DCHS2: variants seen among roughly 807,000 people sequenced by gnomAD.
DCHS2 encodes the protein dachsous cadherin-related 2, also known as protocadherin-23.
DCHS2 carries 142 observed loss-of-function variants against 182.4 expected under a neutral mutation model. The observed-to-expected ratio is 0.78, with a 90% CI of 0.68 to 0.89. DCHS2 has a LOEUF of 0.89. Ranked by LOEUF, DCHS2 falls within the 40% of genes least tolerant of loss-of-function variation. The pLI is 0.00. For synonymous variants in DCHS2, 1,740 were observed against 1,663.3 expected (o/e 1.05, Z -1.12); for missense variants, 4,319 against 4,198.6 (o/e 1.03, Z -0.79).
chr4:154,348,736 T>C (rs892714163), intron 3 of DCHS2, among the ~76,000 whole-genome samples: 37 of 151,880 alleles, frequency 2.4e-4, no homozygotes, highest in Non-Finnish European at 3.4e-4. Flanking sequence ...TAAGGGAGGT[T>C]CCAGAAGAAA....
At chr4:154,376,407 G>A (rs6536004) in intron 2 of DCHS2, among the ~76,000 whole-genome samples, 76,121 of 151,684 alleles carry the variant, frequency 0.5, 19,996 homozygotes, top group East Asian at 0.7. Context: ...TTAGGAAAAA[G>A]ACATTATTGT....
chr4:154,395,477 A>G (rs567819278), intron 1 of DCHS2, among the ~76,000 whole-genome samples: 1 of 152,228 alleles, frequency 6.6e-6, no homozygotes, highest in African/African-American at 2.4e-5. Context: ...TGATCCTCCT[A>G]TCTCCTGGAT....
chr4:154,285,115 GAC>G (rs1022022469), intron 13 of DCHS2, among the ~76,000 whole-genome samples: 5 of 151,974 alleles, frequency 3.3e-5, no homozygotes, highest in African/African-American at 1.2e-4. Flanking sequence ...AACATTTCTA[GAC>G]ACACCCTGGG....
chr4:154,336,713 C>T (rs1172994579), intron 3 of DCHS2, among the ~76,000 whole-genome samples: 4 of 152,114 alleles, frequency 2.6e-5, no homozygotes, highest in Non-Finnish European at 5.9e-5. Flanking sequence ...TAAACACATA[C>T]TCATTTTCCT....
intron 15 of DCHS2, among the ~76,000 whole-genome samples, chr4:154,258,091 A>G (rs1732788794): frequency 6.6e-6 from 1 of 152,220 alleles, no homozygotes; most frequent in East Asian, 1.9e-4. Context: ...GATGATAAAG[A>G]CTGGAAAAGT....
At chr4:154,365,599 C>T (rs1730311394) in intron 3 of DCHS2, among the ~76,000 whole-genome samples, 1 of 151,974 alleles carries the variant, frequency 6.6e-6, no homozygotes, top group Non-Finnish European at 1.5e-5. Context: ...CCACCTCAGC[C>T]TCCCAAGTAG....
intron 1 of DCHS2, among the ~76,000 whole-genome samples, chr4:154,400,302 C>CAAAAAAAAAAAAAAAAAA (rs56268638): frequency 1.1e-5 from 1 of 91,458 alleles, no homozygotes; most frequent in Non-Finnish European, 2.1e-5. Flanking sequence ...GACTTCGTCT[C>CAAAAAAAAAAAAAAAAAA]AAAAAAAAAA....
chr4:154,320,251 T>G, intron 9 of DCHS2, 128 bp downstream of exon 9: 1 of 1,402,738 alleles, frequency 7.1e-7, no homozygotes. Flanking sequence ...AGATACGCTG[T>G]GCAACATTGA....
intron 1 of DCHS2, among the ~76,000 whole-genome samples, chr4:154,471,385 A>T (rs1218600468): frequency 6.6e-6 from 1 of 152,272 alleles, no homozygotes; most frequent in East Asian, 1.9e-4. Context: ...TACCCTTTTC[A>T]TATCACAGCA....
intron 10 of DCHS2, among the ~76,000 whole-genome samples, chr4:154,309,440 G>T (rs1373346420): frequency 6.6e-6 from 1 of 152,122 alleles, no homozygotes; most frequent in Non-Finnish European, 1.5e-5. Context: ...CCTTTGCAAG[G>T]CCCCCTCTCT....
At chr4:154,267,096 T>C (rs1309948121) in intron 14 of DCHS2, among the ~76,000 whole-genome samples, 2 of 152,232 alleles carry the variant, frequency 1.3e-5, no homozygotes, top group African/African-American at 4.8e-5. Flanking sequence ...ATTTACAGTT[T>C]CTGGTTTTAA....
chr4:154,268,421 A>C (rs868361836), intron 14 of DCHS2, among the ~76,000 whole-genome samples: 10 of 152,232 alleles, frequency 6.6e-5, no homozygotes, highest in African/African-American at 2.4e-4. Flanking sequence ...GGGAGCATGT[A>C]CAGTGTGGAG....
chr4:154,288,084 A>G (rs1027487353), intron 13 of DCHS2, among the ~76,000 whole-genome samples: 21 of 152,170 alleles, frequency 1.4e-4, no homozygotes, highest in African/African-American at 5.1e-4. Context: ...AGCAATAATA[A>G]CACTGAATGT....
chr4:154,343,520 A>C lies in DCHS2; in HGVS notation c.2477-8416T>G, dbSNP rs1248968699. Reference sequence around the variant, plus strand: ...CTACATACCTTGCTGCAGCTTCTCCATCAGCACTTGCTGCTTCATCTTGCA... The same window carrying C: ...CTACATACCTTGCTGCAGCTTCTCCCTCAGCACTTGCTGCTTCATCTTGCA... On this transcript the variant is annotated intron_variant, in intron 3 of 19. Transcript: ENST00000357232. 9.9e-6 allele frequency: 15 copies of C among 1,514,300 alleles called. No individual in the cohort carries two copies. The South Asian group carries it at 1.8e-4, about 19-fold the overall frequency. The allele number at this position is 1,514,300 out of a possible 1,614,324, so 93.8% of individuals were successfully genotyped here. A position where few individuals can be genotyped will look rare whatever the true frequency, so the allele number is the denominator to read the frequency against.
intron 6 of DCHS2, 105 bp from the exon 7 acceptor site, chr4:154,328,297 A>C: frequency 1.4e-6 from 1 of 729,384 alleles, no homozygotes; most frequent in Non-Finnish European, 2.2e-6. Flanking sequence ...ATTTTAAACT[A>C]TCTTAAAATC....
rs576001149 is a variant in DCHS2 at position 154,422,005 on chromosome 4, T to C, written c.2053-44561A>G. Among the ~76,000 whole-genome samples, 14 of 152,310 alleles carry C rather than the reference T, an allele frequency of 9.2e-5. No homozygotes were observed. The South Asian group carries it at 2.9e-3, about 32-fold the overall frequency. On this transcript the variant is annotated intron_variant, in intron 1 of 19. Transcript: ENST00000357232. ...TCTCTCAGCATCATTCAGTAAAGGTTGCCACTCTTTACTTCATGTTGGAAA... is the reference window on the plus strand; with the variant it reads ...TCTCTCAGCATCATTCAGTAAAGGTCGCCACTCTTTACTTCATGTTGGAAA...
intron 3 of DCHS2, among the ~76,000 whole-genome samples, chr4:154,363,716 C>T (rs138733499): frequency 6.6e-6 from 1 of 152,260 alleles, no homozygotes; most frequent in African/African-American, 2.4e-5. Flanking sequence ...ATTCTCACCA[C>T]AAAAAATTCT....
At chr4:154,329,433 T>A (rs186027998) in intron 6 of DCHS2, 90 bp downstream of exon 6, 27 of 1,276,896 alleles carry the variant, frequency 2.1e-5, no homozygotes, top group Non-Finnish European at 2.7e-5. Flanking sequence ...CCAAGACTGA[T>A]GTGATAAATT....
intron 5 of DCHS2, among the ~76,000 whole-genome samples, chr4:154,330,574 G>GA (rs918576475): frequency 1.1e-3 from 168 of 150,412 alleles, no homozygotes; most frequent in Middle Eastern, 6.8e-3. Flanking sequence ...CACCATTTAT[G>GA]AAAAAAAAAT....
Sources: allele counts gnomAD v4.1 joint callset (sites outside exome capture counted in the v4.1 genomes callset), GRCh38; gene constraint gnomAD v4.1.1; transcripts MANE v1.5; gene names NCBI Gene and HGNC (gene_info 2026-07-23, HGNC 2026-07-21).